ELP3: variants seen among roughly 807,000 people sequenced by gnomAD.
ELP3 encodes the protein elongator complex protein 3.
ELP3 carries 56 observed loss-of-function variants against 74.9 expected under a neutral mutation model. The ratio of observed to expected loss-of-function variants is 0.75; its 90% confidence interval spans 0.60 to 0.93. The LOEUF is 0.93. ELP3 is among the 40% of genes least tolerant of loss of function. The pLI is 0.00. For missense variants in ELP3, 573 were observed against 686.5 expected, an observed-to-expected ratio of 0.83 and a Z score of 1.85; for synonymous variants, 222 against 239.8, an observed-to-expected ratio of 0.93 and a Z score of 0.68.
chr8:28,165,801 T>A (rs1353859901), intron 14 of ELP3, among the ~76,000 whole-genome samples: 1 of 152,230 alleles, frequency 6.6e-6, no homozygotes, highest in Non-Finnish European at 1.5e-5. Context: ...CTCTGGGTAT[T>A]CTTTTTTCTG....
chr8:28,104,222 A>C (rs1172724150), intron 3 of ELP3, among the ~76,000 whole-genome samples: 2 of 152,084 alleles, frequency 1.3e-5, no homozygotes, highest in Non-Finnish European at 2.9e-5. Context: ...AGGTTTTAAG[A>C]GTTCTTTGTA....
chr8:28,187,920 A>G (rs947233320), intron 14 of ELP3, among the ~76,000 whole-genome samples: 1 of 152,168 alleles, frequency 6.6e-6, no homozygotes, highest in African/African-American at 2.4e-5. Flanking sequence ...ACATAGGTTT[A>G]CGCTCAGTGT....
intron 1 of ELP3, among the ~76,000 whole-genome samples, chr8:28,095,657 A>AT (rs1811223122): frequency 6.6e-6 from 1 of 152,224 alleles, no homozygotes; most frequent in African/African-American, 2.4e-5. Context: ...TGAAAAAAGC[A>AT]TGGAAGTTGT....
chr8:28,151,056 T>A (rs74387541), intron 10 of ELP3, among the ~76,000 whole-genome samples: 7,158 of 152,258 alleles, frequency 0.047, 587 homozygotes, highest in African/African-American at 0.16. Context: ...ATTATAGGTG[T>A]GAGCCACCGT....
At chr8:28,121,121 A>G (rs1812348904) in intron 7 of ELP3, among the ~76,000 whole-genome samples, 1 of 152,186 alleles carries the variant, frequency 6.6e-6, no homozygotes, top group South Asian at 2.1e-4. Flanking sequence ...AATGGAAAGA[A>G]TTGACAATTT....
At chr8:28,110,503 G>C (rs1240670321) in intron 6 of ELP3, 65 bp downstream of exon 6, 6 of 1,305,750 alleles carry the variant, frequency 4.6e-6, no homozygotes, top group Non-Finnish European at 6.5e-6. Context: ...AGCCATTGTT[G>C]CTTGATTCAA....
chr8:28,093,007 A>T, upstream of ELP3: 1 of 748,762 alleles, frequency 1.3e-6, no homozygotes, highest in Non-Finnish European at 2.3e-6. Context: ...ATCGCAGCCT[A>T]GGGGCCTCAC....
chr8:28,144,368 G>A (rs550867120), intron 10 of ELP3, among the ~76,000 whole-genome samples: 2 of 152,158 alleles, frequency 1.3e-5, no homozygotes, highest in Non-Finnish European at 2.9e-5. Context: ...CCAGCACTTC[G>A]GGAGGCCGTG....
At chr8:28,117,732 GA>G (rs557633020) in intron 7 of ELP3, among the ~76,000 whole-genome samples, 8 of 146,838 alleles carry the variant, frequency 5.4e-5, no homozygotes, top group South Asian at 2.2e-4. Flanking sequence ...AGATCATCTG[GA>G]AAAAAAAAAG....
intron 14 of ELP3, among the ~76,000 whole-genome samples, chr8:28,171,375 C>G (rs542766026): frequency 6.6e-6 from 1 of 151,498 alleles, no homozygotes; most frequent in East Asian, 1.9e-4. Context: ...TATAGCCATC[C>G]TAGTGGTATA....
chr8:28,177,889 T>C (rs1814827053), intron 14 of ELP3, among the ~76,000 whole-genome samples: 1 of 152,246 alleles, frequency 6.6e-6, no homozygotes, highest in East Asian at 1.9e-4. Context: ...ATTAAACTTA[T>C]TTCTTCCTCT....
At chr8:28,122,383 TC>T (rs1812407358) in intron 7 of ELP3, among the ~76,000 whole-genome samples, 1 of 152,232 alleles carries the variant, frequency 6.6e-6, no homozygotes, top group Non-Finnish European at 1.5e-5. Context: ...TATGATTTCT[TC>T]CATAAACGTT....
At chr8:28,101,928 T>C (rs1167229284) in intron 3 of ELP3, among the ~76,000 whole-genome samples, 1 of 152,152 alleles carries the variant, frequency 6.6e-6, no homozygotes, top group Non-Finnish European at 1.5e-5. Context: ...GGCTTGCCAT[T>C]AAAGAAGACA....
chr8:28,116,339 G>A (rs1434373227), intron 7 of ELP3, among the ~76,000 whole-genome samples: 4 of 152,214 alleles, frequency 2.6e-5, no homozygotes, highest in African/African-American at 7.2e-5. Context: ...AATGCAACAG[G>A]TGAATTCTGT....
chr8:28,093,422 C>G (rs1268420245), intron 1 of ELP3, 189 bp downstream of exon 1: 7 of 683,038 alleles, frequency 1.0e-5, no homozygotes, highest in Non-Finnish European at 1.7e-5. Context: ...TTTTGAAGCA[C>G]CCTACCCTTC....
intron 10 of ELP3, among the ~76,000 whole-genome samples, chr8:28,141,616 A>G (rs1017227378): frequency 2.0e-5 from 3 of 152,222 alleles, no homozygotes; most frequent in Non-Finnish European, 4.4e-5. Flanking sequence ...GGAAATATTT[A>G]AAGTATTCTC....
chr8:28,125,925 T>C (rs1402396503), intron 7 of ELP3, among the ~76,000 whole-genome samples: 6 of 152,200 alleles, frequency 3.9e-5, no homozygotes, highest in Admixed American at 6.5e-5. Flanking sequence ...AAGCGGTAGA[T>C]GTATCTGGAG....
intron 9 of ELP3, among the ~76,000 whole-genome samples, chr8:28,135,852 G>C (rs55865355): frequency 0.12 from 18,784 of 151,874 alleles, 1,287 homozygotes; most frequent in East Asian, 0.31. Context: ...AGCCTTCCTA[G>C]TTTCTGTCTT....
chr8:28,142,496 G>T (rs564910783), intron 10 of ELP3, among the ~76,000 whole-genome samples: 2 of 152,226 alleles, frequency 1.3e-5, no homozygotes, highest in African/African-American at 4.8e-5. Context: ...TCACACATAG[G>T]TGGGTGGATT....
Sources: gnomAD v4.1 joint callset for allele counts (sites outside exome capture counted in the v4.1 genomes callset) on GRCh38, gnomAD v4.1.1 for gene constraint, MANE v1.5 for transcripts, NCBI Gene and HGNC (gene_info 2026-07-23, HGNC 2026-07-21) for gene names.